Variants in AGAP1 observed in about 807,000 individuals in gnomAD.
AGAP1 encodes the protein ArfGAP with GTPase domain, ankyrin repeat and PH domain 1.
AGAP1 carries 29 observed loss-of-function variants against 105.3 expected under a neutral mutation model. That is an observed-to-expected ratio of 0.28 (90% CI 0.21 to 0.38). The LOEUF (loss-of-function observed/expected upper bound fraction) is 0.38, where lower values mean the gene tolerates loss of function less well. AGAP1 is among the 10% of genes least tolerant of loss of function. The pLI is 1.00. For synonymous variants in AGAP1, 509 were observed against 485.9 expected (o/e 1.05, Z -0.63); for missense variants, 998 against 1,165.1 (o/e 0.86, Z 2.09).
chr2:235,784,171 G>T (rs1006291515), intron 6 of AGAP1, among the ~76,000 whole-genome samples: 10 of 152,122 alleles, frequency 6.6e-5, no homozygotes, highest in African/African-American at 2.2e-4. Flanking sequence ...AAATGTCATT[G>T]TAGGTCTCGT....
intron 10 of AGAP1, among the ~76,000 whole-genome samples, chr2:235,884,479 C>T (rs190636461): frequency 0.014 from 1,660 of 121,840 alleles, 10 homozygotes; most frequent in Non-Finnish European, 0.021. Flanking sequence ...TGAGAGGAGT[C>T]TCACTCTGTC....
Position 235,494,523 on chromosome 2 carries a change from C to A in AGAP1, c.-164C>A, listed in dbSNP as rs1326978187. On this transcript the variant is annotated 5_prime_UTR_variant, in exon 1 of 18. Coordinates refer to ENST00000304032, the MANE Select transcript of AGAP1 (RefSeq NM_001037131.3). ...ATGAACTGAGCCCGCGGGCCAGCCC[C>A]GCGCCTGCTCCGCCCGCGCCTTTCT... The A allele has an allele frequency of 6.9e-6, 1 of 145,186 alleles. No individual in the cohort carries two copies. The highest frequency in any genetic ancestry group is 6.9e-5 in the Admixed American group (1 of 14,542). The allele number at this position is 145,186 out of a possible 1,614,324, so 9.0% of individuals were successfully genotyped here.
At position 236,037,485 on chromosome 2, in the gene AGAP1, A is replaced by G. The variant is rs375986671; in HGVS notation, c.1800+770A>G. On this transcript the variant is annotated intron_variant, in intron 14 of 17. Coordinates refer to ENST00000304032, the MANE Select transcript of AGAP1 (RefSeq NM_001037131.3). ...CAATCTTAGCTCACTGCAACCTCCA[A>G]GCTCAAGCAATCCTCCCACCTCAGC... 1.8e-4 allele frequency among the ~76,000 whole-genome samples: 28 copies of G among 152,274 alleles called. 1 individual carries two copies. In the South Asian group the frequency reaches 4.6e-3, roughly 25 times the overall value.
At chr2:236,084,219 A>AG (rs36117618) in intron 16 of AGAP1, among the ~76,000 whole-genome samples, 1 of 143,288 alleles carries the variant, frequency 7.0e-6, no homozygotes, top group Admixed American at 6.9e-5. Flanking sequence ...GCCTTCCTGA[A>AG]GGGCGGGGGG....
In AGAP1 at chr2:235,888,394, C is replaced by G. The variant is rs2050368319; in HGVS notation, c.1155+4945C>G. Among the ~76,000 whole-genome samples, 1 of 152,046 alleles carries G rather than the reference C, an allele frequency of 6.6e-6. No individual in the cohort carries two copies. The highest frequency in any genetic ancestry group is 2.4e-5 in the African/African-American group (1 of 41,402). ...GGGTCTAGAAGGCTCGACTCCCCTC[C>G]TAGGGCTGCTCCACACAGCTCCTGC... On this transcript the variant is annotated intron_variant, in intron 10 of 17. Transcript: ENST00000304032. This position sits in a 1 kb window ranked among gnomAD's most constrained non-coding sequence, Gnocchi z 4.8.
chr2:235,717,601 C>T lies in AGAP1; in HGVS notation c.267C>T (p.His89=), dbSNP rs967762722. 1 of 1,604,478 alleles carries T rather than the reference C, an allele frequency of 6.2e-7. No homozygotes were observed. The highest frequency in any genetic ancestry group is 1.8e-5 in the Admixed American group (1 of 56,578). ...NLASGKSALV[H]RYLTGTYVQE... is the part of the protein sequence containing the mutation. ...CCAGCGGCAAGTCTGCCCTGGTGCACCGGTACCTGACGGGCACATATGTCC... is the reference window on the plus strand; with the variant it reads ...CCAGCGGCAAGTCTGCCCTGGTGCATCGGTACCTGACGGGCACATATGTCC... Residue 89 remains histidine (H), a synonymous_variant, in exon 3 of 18, where the codon CAC becomes CAT. Coordinates refer to ENST00000304032, the MANE Select transcript of AGAP1 (RefSeq NM_001037131.3).
At chr2:235,881,689 C>T (rs533258891) in intron 9 of AGAP1, among the ~76,000 whole-genome samples, 19 of 152,314 alleles carry the variant, frequency 1.2e-4, no homozygotes, top group Admixed American at 5.2e-4. Flanking sequence ...CAGTGTTGGC[C>T]GTCAGCTTCC....
intron 9 of AGAP1, among the ~76,000 whole-genome samples, chr2:235,868,998 G>A (rs2049310197): frequency 6.6e-6 from 1 of 152,128 alleles, no homozygotes; most frequent in South Asian, 2.1e-4. Flanking sequence ...ATTAAAATCA[G>A]TCTTTCTGAT....
At chr2:235,797,916 C>A in intron 7 of AGAP1, 30 bp downstream of exon 7, 1 of 1,612,738 alleles carries the variant, frequency 6.2e-7, no homozygotes, top group East Asian at 2.2e-5. Context: ...AAGTCAGACT[C>A]TTAGAACCAA....
rs1946618784 is a variant in AGAP1, at chr2:235,625,810, G to A, written c.164-83369G>A. On this transcript the variant is annotated intron_variant, in intron 1 of 17. Transcript: ENST00000304032. This position sits in a 1 kb window ranked among gnomAD's most constrained non-coding sequence, Gnocchi z 4.0. ...GAAAATTAAAATAATTTAGGATGTT[G>A]CCCCACACTATTGGGAGGTGTAGAT... Among the ~76,000 whole-genome samples, 1 of 152,168 alleles carries A rather than the reference G, an allele frequency of 6.6e-6. No individual in the cohort carries two copies. Among genetic ancestry groups the A allele is most frequent in the Admixed American group, 6.5e-5 (1 of 15,280 alleles).
Position 235,807,196 on chromosome 2 carries a change from C to T in AGAP1, c.958-43C>T, listed in dbSNP as rs201157319. 3.0e-5 allele frequency: 48 copies of T among 1,586,044 alleles called. No homozygotes were observed. In the East Asian group the frequency reaches 1.1e-3, roughly 35 times the overall value. On this transcript the variant is annotated intron_variant, in intron 8 of 17. Transcript: ENST00000304032. Reference sequence around the variant, plus strand: ...ACAGGGGCAGAGCCCCGTCTGTGAACCACAGCCCTTACCCAGATGCCAACT... The same window carrying T: ...ACAGGGGCAGAGCCCCGTCTGTGAATCACAGCCCTTACCCAGATGCCAACT...
rs532979211 is a variant in AGAP1, at chr2:235,913,782, G to A, written c.1324+4876G>A. Among the ~76,000 whole-genome samples, 30 of 152,228 alleles carry A rather than the reference G, an allele frequency of 2.0e-4. No homozygotes were observed. In the South Asian group the frequency reaches 6.0e-3, roughly 31 times the overall value. On this transcript the variant is annotated intron_variant, in intron 11 of 17. Transcript: ENST00000304032. The stretch of plus-strand genomic sequence containing the variant: ...GGTGCACATGACATCAGGACCTCCC[G>A]AGGCTGTGATACGGGCACGTAAATA...
Position 235,601,611 on chromosome 2 carries a change from A to G in AGAP1, c.163+106762A>G, listed in dbSNP as rs1381038639. Among the ~76,000 whole-genome samples, 1 of 152,092 alleles carries G rather than the reference A, an allele frequency of 6.6e-6. No individual in the cohort carries two copies. The highest frequency in any genetic ancestry group is 2.4e-5 in the African/African-American group (1 of 41,420). ...ACCACAGAACAGAATAGGGGAACCCACCCCCAAGATTCAGTAACCTCCCAC... is the reference window on the plus strand; with the variant it reads ...ACCACAGAACAGAATAGGGGAACCCGCCCCCAAGATTCAGTAACCTCCCAC... On this transcript the variant is annotated intron_variant, in intron 1 of 17. Transcript: ENST00000304032. The surrounding 1 kb of genome is among the most constrained non-coding windows in gnomAD (Gnocchi z 4.4).
At chr2:236,030,426 T>C (rs1284801093) in intron 13 of AGAP1, among the ~76,000 whole-genome samples, 1 of 152,228 alleles carries the variant, frequency 6.6e-6, no homozygotes, top group African/African-American at 2.4e-5. Context: ...AGCTTTCCTG[T>C]AGAGAAGATA....
At position 235,983,292 on chromosome 2, in the gene AGAP1, G is replaced by T. The variant is rs533253619; in HGVS notation, c.1645+14669G>T. On this transcript the variant is annotated intron_variant, in intron 13 of 17. Transcript: ENST00000304032. This position sits in a 1 kb window ranked among gnomAD's most constrained non-coding sequence, Gnocchi z 4.5. ...TGGGAGGGCATCCACCGGGGCAGGG[G>T]TCTGGGCAAGGGGCTTCTCCCCTTG... Among the ~76,000 whole-genome samples the T allele has an allele frequency of 1.3e-5, 2 of 152,298 alleles. No individual in the cohort carries two copies. Among genetic ancestry groups the T allele is most frequent in the South Asian group, 4.1e-4 (2 of 4,822 alleles).
At position 235,622,987 on chromosome 2, in the gene AGAP1, A is replaced by G. The variant is rs1424409974; in HGVS notation, c.164-86192A>G. Among the ~76,000 whole-genome samples the G allele has an allele frequency of 6.6e-6, 1 of 151,882 alleles. No individual in the cohort carries two copies. The highest frequency in any genetic ancestry group is 6.5e-5 in the Admixed American group (1 of 15,272). ...CAGGAGGGGAACAAAGTCAACAGCA[A>G]TGACTGTCGCTGAATCTTAAGTTTA... On this transcript the variant is annotated intron_variant, in intron 1 of 17. Transcript: ENST00000304032. This position sits in a 1 kb window ranked among gnomAD's most constrained non-coding sequence, Gnocchi z 5.0.
At chr2:235,813,872 A>G (rs1958299060) in intron 9 of AGAP1, among the ~76,000 whole-genome samples, 1 of 152,126 alleles carries the variant, frequency 6.6e-6, no homozygotes, top group African/African-American at 2.4e-5. Flanking sequence ...CAGCAGATGG[A>G]TGGTAGCCAG....
intron 9 of AGAP1, among the ~76,000 whole-genome samples, chr2:235,814,746 T>C (rs1449767326): frequency 6.6e-6 from 1 of 151,542 alleles, no homozygotes; most frequent in African/African-American, 2.4e-5. Context: ...GACATACAAG[T>C]AGGTGGTGGC....
At chr2:235,696,235 A>G (rs1949991421) in intron 1 of AGAP1, among the ~76,000 whole-genome samples, 1 of 152,132 alleles carries the variant, frequency 6.6e-6, no homozygotes, top group African/African-American at 2.4e-5. Context: ...TAGTAGAGAC[A>G]GGGTTTCTCC....
Sources: gnomAD v4.1 joint callset for allele counts (sites outside exome capture counted in the v4.1 genomes callset) on GRCh38, gnomAD v4.1.1 for gene constraint, Gnocchi (gnomAD v3.1) non-coding constraint, MANE v1.5 for transcripts, NCBI Gene and HGNC (gene_info 2026-07-23, HGNC 2026-07-21) for gene names.